The following NINJ2 variants were observed in gnomAD, a reference collection of about 807,000 sequenced individuals.
NINJ2 encodes the protein ninjurin-2.
A neutral mutation model predicts 11.7 loss-of-function variants in NINJ2; 12 were observed. The observed-to-expected ratio is 1.02, with a 90% confidence interval of 0.66 to 1.66. The LOEUF (loss-of-function observed/expected upper bound fraction) is 1.66. Ranked by LOEUF, NINJ2 falls within the 40% of genes most tolerant of loss-of-function variation. The pLI is 0.00. For missense variants in NINJ2, 187 were observed against 181.8 expected (o/e 1.03, Z -0.16); for synonymous variants, 93 against 76.8 (o/e 1.21, Z -1.10).
At chr12:638,485 G>C (rs913673700) in intron 1 of NINJ2, among the ~76,000 whole-genome samples, 1 of 152,276 alleles carries the variant, frequency 6.6e-6, no homozygotes, top group Non-Finnish European at 1.5e-5. Flanking sequence ...GCGCAATCTC[G>C]GCTCACTACA....
At chr12:570,515 C>T (rs1056494116) in intron 1 of NINJ2, among the ~76,000 whole-genome samples, 3 of 152,214 alleles carry the variant, frequency 2.0e-5, no homozygotes, top group Non-Finnish European at 2.9e-5. Flanking sequence ...AGCAGGGTGG[C>T]CCCCGCTCCC....
In NINJ2 at chr12:580,942, CTG is replaced by C. The variant is rs1417254799; in HGVS notation, c.34-14766_34-14765del. 6.7e-6 allele frequency among the ~76,000 whole-genome samples: 1 copy of C among 148,900 alleles called. No homozygotes were observed. Among genetic ancestry groups the C allele is most frequent in the African/African-American group, 2.5e-5 (1 of 40,308 alleles). Reference sequence around the variant, plus strand: ...TGTTTGTGTGTGTGTGCCTGTGTGTCTGTGTGTATTCATGTGTGTTTGTGTGT... The same window carrying C: ...TGTTTGTGTGTGTGTGCCTGTGTGTCTGTGTATTCATGTGTGTTTGTGTGT... On this transcript the variant is annotated intron_variant, in intron 1 of 3. Coordinates refer to ENST00000305108, the MANE Select transcript of NINJ2 (RefSeq NM_016533.6). The surrounding 1 kb of genome is among the most constrained non-coding windows in gnomAD (Gnocchi z 4.7).
intron 1 of NINJ2, among the ~76,000 whole-genome samples, chr12:567,360 T>C (rs1015724675): frequency 5.9e-5 from 9 of 152,064 alleles, no homozygotes; most frequent in African/African-American, 1.9e-4. Flanking sequence ...TGCCTATATA[T>C]GCACAGTGAT....
At chr12:598,094 TG>T (rs1947814067) in intron 1 of NINJ2, among the ~76,000 whole-genome samples, 1 of 152,216 alleles carries the variant, frequency 6.6e-6, no homozygotes, top group South Asian at 2.1e-4. Context: ...GAAATGAGCT[TG>T]TTAACGGGTG....
In NINJ2 at chr12:566,119, C is replaced by T. The variant is rs778128290; in HGVS notation, c.93G>A (p.Lys31=). Residue 31 remains lysine, a synonymous_variant, in exon 2 of 4, where the codon AAG becomes AAA. Transcript: ENST00000305108. ...CGTCCAGCATGCTCTCCGCCACGCTCTTCTTGGTGGCGTAATGGTTCAGGT... is the reference window on the plus strand; with the variant it reads ...CGTCCAGCATGCTCTCCGCCACGCTTTTCTTGGTGGCGTAATGGTTCAGGT... ...PINLNHYATK[K]SVAESMLDVA... The T allele has an allele frequency of 3.1e-6, 5 of 1,614,082 alleles. No homozygotes were observed. The highest frequency in any genetic ancestry group is 1.7e-5 in the Admixed American group (1 of 60,006).
Position 640,020 on chromosome 12 carries a change from C to T in NINJ2, c.33+23308G>A, listed in dbSNP as rs549784061. ...CCCGAATAGTGTATTGGAGATGACACGGTGTTTAGTGCTGTTTCAGGTTAA... is the reference window on the plus strand; with the variant it reads ...CCCGAATAGTGTATTGGAGATGACATGGTGTTTAGTGCTGTTTCAGGTTAA... On this transcript the variant is annotated intron_variant, in intron 1 of 3. Transcript: ENST00000305108. The surrounding 1 kb of genome is among the most constrained non-coding windows in gnomAD (Gnocchi z 4.0). Among the ~76,000 whole-genome samples, 53 of 152,350 alleles carry T rather than the reference C, an allele frequency of 3.5e-4. No homozygotes were observed. Among genetic ancestry groups the T allele is most frequent in the African/African-American group, 1.3e-3 (52 of 41,580 alleles).
chr12:599,945 C>T (rs954388821), intron 1 of NINJ2, among the ~76,000 whole-genome samples: 2 of 152,236 alleles, frequency 1.3e-5, no homozygotes, highest in African/African-American at 4.8e-5. Context: ...AGCTCTGGCC[C>T]AGCCCGCCTC....
chr12:629,896 A>AAAAAAAAAAAAAATATATATAT, intron 1 of NINJ2, among the ~76,000 whole-genome samples: 3 of 9,898 alleles, frequency 3.0e-4, no homozygotes, highest in Admixed American at 2.9e-3. Context: ...AAAAAAAAAA[A>AAAAAAAAAAAAAATATATATAT]ATATATATAT....
intron 1 of NINJ2, among the ~76,000 whole-genome samples, chr12:584,821 C>CA (rs1947609472): frequency 6.6e-6 from 1 of 150,562 alleles, no homozygotes; most frequent in Non-Finnish European, 1.5e-5. Flanking sequence ...AAAACAAAAA[C>CA]AAAAATTTAA....
At position 661,602 on chromosome 12, in the gene NINJ2, C is replaced by G. The variant is rs560820401; in HGVS notation, c.33+1726G>C. On this transcript the variant is annotated intron_variant, in intron 1 of 3. Transcript: ENST00000305108. ...CCTCTTTCCTTCTGAACCTCTGGTT[C>G]AGATGCAGAGTCCTTAGCCTGTAAC... is the stretch of plus-strand genomic sequence containing the variant. Among the ~76,000 whole-genome samples the G allele has an allele frequency of 6.6e-5, 10 of 152,344 alleles. No individual in the cohort carries two copies. In the South Asian group the frequency reaches 1.7e-3, roughly 25 times the overall value.
chr12:642,429 C>T (rs1948430422), intron 1 of NINJ2, among the ~76,000 whole-genome samples: 1 of 152,176 alleles, frequency 6.6e-6, no homozygotes, highest in South Asian at 2.1e-4. Flanking sequence ...CGGGGTTTCG[C>T]CATGCTGGCC....
chr12:583,874 G>A (rs1947595261), intron 1 of NINJ2, among the ~76,000 whole-genome samples: 1 of 152,152 alleles, frequency 6.6e-6, no homozygotes, highest in Non-Finnish European at 1.5e-5. Flanking sequence ...AATGGGGATC[G>A]TAAGATTACA....
At chr12:653,778 A>G (rs1937831472) in intron 1 of NINJ2, among the ~76,000 whole-genome samples, 1 of 152,226 alleles carries the variant, frequency 6.6e-6, no homozygotes, top group African/African-American at 2.4e-5. Flanking sequence ...AGATCCAACT[A>G]TATCAGTAAT....
At chr12:621,647 T>A (rs1299756728) in intron 1 of NINJ2, among the ~76,000 whole-genome samples, 1 of 146,550 alleles carries the variant, frequency 6.8e-6, no homozygotes, top group Non-Finnish European at 1.5e-5. Flanking sequence ...TGAAACCCCA[T>A]CTCTACTAAA....
chr12:658,329 G>A (rs571062857), intron 1 of NINJ2, among the ~76,000 whole-genome samples: 16 of 152,160 alleles, frequency 1.1e-4, no homozygotes, highest in Middle Eastern at 3.4e-3. Context: ...AGAATGATAC[G>A]TAATGCCAAA....
intron 1 of NINJ2, among the ~76,000 whole-genome samples, chr12:651,577 G>A (rs1404870666): frequency 6.6e-6 from 1 of 152,118 alleles, no homozygotes; most frequent in African/African-American, 2.4e-5. Flanking sequence ...CATACTAAAA[G>A]GCAAAAACCA....
At chr12:569,646 AGGGGTGGCAG>A (rs1210615466) in intron 1 of NINJ2, among the ~76,000 whole-genome samples, 1 of 152,150 alleles carries the variant, frequency 6.6e-6, no homozygotes, top group Non-Finnish European at 1.5e-5. Flanking sequence ...TAGTGGGGGA[AGGGGTGGCAG>A]GGGGTGGCAG....
At chr12:577,448 T>TATACATATATATATGTATA in intron 1 of NINJ2, among the ~76,000 whole-genome samples, 12 of 141,936 alleles carry the variant, frequency 8.5e-5, no homozygotes, top group Non-Finnish European at 1.2e-4. Context: ...TATATAAATA[T>TATACATATATATATGTATA]TTTGGCACGA....
chr12:611,773 A>G (rs1158137022), intron 1 of NINJ2, among the ~76,000 whole-genome samples: 1 of 152,240 alleles, frequency 6.6e-6, no homozygotes. Flanking sequence ...TTTCTTGGCA[A>G]TAAATAACCT....
Sources: gnomAD v4.1 joint callset for allele counts (sites outside exome capture counted in the v4.1 genomes callset) on GRCh38, gnomAD v4.1.1 for gene constraint, Gnocchi (gnomAD v3.1) non-coding constraint, MANE v1.5 for transcripts, NCBI Gene and HGNC (gene_info 2026-07-23, HGNC 2026-07-21) for gene names.